CALML4: variants seen among roughly 807,000 people sequenced by gnomAD.
The protein encoded by CALML4 is calmodulin like 4.
In CALML4, 16 loss-of-function variants were observed where a neutral mutation model predicts 17.9. The observed-to-expected ratio is 0.89, with a 90% confidence interval of 0.61 to 1.36. CALML4 has a LOEUF of 1.36. CALML4 is among the 40% of genes most tolerant of loss of function. CALML4 has a pLI of 0.00. For synonymous variants in CALML4, 86 were observed against 71.5 expected, an observed-to-expected ratio of 1.20 and a Z score of -1.02; for missense variants, 203 against 194.8, an observed-to-expected ratio of 1.04 and a Z score of -0.25.
At position 68,197,811 on chromosome 15, in the gene CALML4, C is replaced by G; in HGVS notation, c.176-183G>C. 1 of 589,594 alleles carries G rather than the reference C, an allele frequency of 1.7e-6. No individual in the cohort carries two copies. The highest frequency in any genetic ancestry group is 2.1e-5 in the South Asian group (1 of 47,678). The allele number at this position is 589,594 out of a possible 1,614,324, so 36.5% of individuals were successfully genotyped here. On this transcript the variant is annotated intron_variant, in intron 3 of 4. Transcript: ENST00000467889. This position sits in a 1 kb window ranked among gnomAD's most constrained non-coding sequence, Gnocchi z 4.1. ...CACCGAGTTCCCACGACAGGCCCCTCACTGGACTGGACATTCTTCATTTCA... is the reference window on the plus strand; with the variant it reads ...CACCGAGTTCCCACGACAGGCCCCTGACTGGACTGGACATTCTTCATTTCA...
chr15:68,195,324 A>C (rs1217595735), intron 4 of CALML4, among the ~76,000 whole-genome samples: 2 of 152,226 alleles, frequency 1.3e-5, no homozygotes, highest in African/African-American at 4.8e-5. Context: ...CGAAAGTATA[A>C]TCACCATGCC....
Position 68,193,941 on chromosome 15 carries a change from A to G in CALML4, c.*74T>C, listed in dbSNP as rs2093131529. ...CTGTGTTTGCCATCTCTCCCAAGTG[A>G]AAAGAACACTTTTTAAAAAAAATTA... On this transcript the variant is annotated 3_prime_UTR_variant, in exon 5 of 5. Transcript: ENST00000467889. 1 of 1,089,778 alleles carries G rather than the reference A, an allele frequency of 9.2e-7. No homozygotes were observed. Among genetic ancestry groups the G allele is most frequent in the East Asian group, 2.4e-5 (1 of 40,868 alleles). 67.5% of individuals were successfully genotyped at this position (1,089,778 alleles called of 1,614,324 possible).
chr15:68,203,879 G>A (rs1167459720), intron 2 of CALML4, among the ~76,000 whole-genome samples: 1 of 152,142 alleles, frequency 6.6e-6, no homozygotes, highest in Non-Finnish European at 1.5e-5. Context: ...GTCAGATACT[G>A]GGATACAAAG....
chr15:68,202,406 G>A (rs1037868509), intron 2 of CALML4, among the ~76,000 whole-genome samples: 1 of 152,206 alleles, frequency 6.6e-6, no homozygotes, highest in Non-Finnish European at 1.5e-5. Flanking sequence ...AGGAGTTCGA[G>A]ACCAGCCTGG....
At position 68,205,001 on chromosome 15, in the gene CALML4, G is replaced by A; in HGVS notation, c.34+120C>T. 3 of 1,206,528 alleles carry A rather than the reference G, an allele frequency of 2.5e-6. No homozygotes were observed. Among genetic ancestry groups the A allele is most frequent in the South Asian group, 1.3e-5 (1 of 76,466 alleles). 74.7% of individuals were successfully genotyped at this position (1,206,528 alleles called of 1,614,324 possible). On this transcript the variant is annotated intron_variant, in intron 2 of 4. Transcript: ENST00000467889. This position sits in a 1 kb window ranked among gnomAD's most constrained non-coding sequence, Gnocchi z 4.8. ...CAGCCTCCCCGCAGCTCTTGGCCCT[G>A]GGTGGGCCCAGCTCTCCCACAGCCA...
intron 4 of CALML4, among the ~76,000 whole-genome samples, chr15:68,195,314 C>T (rs566069763): frequency 1.3e-5 from 2 of 152,154 alleles, no homozygotes; most frequent in Non-Finnish European, 2.9e-5. Context: ...CTATCCTTCT[C>T]GAAAGTATAA....
intron 3 of CALML4, chr15:68,198,670 C>T (rs949089382): frequency 6.6e-6 from 1 of 152,118 alleles, no homozygotes; most frequent in Non-Finnish European, 1.5e-5. Context: ...CCCATAATCC[C>T]ATTACCAGAG....
At position 68,199,634 on chromosome 15, in the gene CALML4, T is replaced by G. The variant is rs780279118; in HGVS notation, c.82A>C (p.Ile28Leu). ...SLYDKQQRGK[I>L]KATDLMVAMR... Reference sequence around the variant, plus strand: ...GCCACCATGAGGTCGGTGGCTTTTATCTTCCCCCTCTGCTGCTTGTCATAC... The same window carrying G: ...GCCACCATGAGGTCGGTGGCTTTTAGCTTCCCCCTCTGCTGCTTGTCATAC... The change falls in exon 3 of 5, where the codon ATA becomes CTA. Residue 28 changes from isoleucine to leucine, a missense_variant. Coordinates refer to ENST00000467889, the MANE Select transcript of CALML4 (RefSeq NM_033429.3). 6 of 1,613,610 alleles carry G rather than the reference T, an allele frequency of 3.7e-6. No individual in the cohort carries two copies. Among genetic ancestry groups the G allele is most frequent in the Non-Finnish European group, 5.1e-6 (6 of 1,179,968 alleles).
Position 68,197,800 on chromosome 15 carries a change from G to A in CALML4, c.176-172C>T, listed in dbSNP as rs1050014141. ...GCATCCCCTCCCACCGAGTTCCCAC[G>A]ACAGGCCCCTCACTGGACTGGACAT... On this transcript the variant is annotated intron_variant, in intron 3 of 4. Transcript: ENST00000467889. The surrounding 1 kb of genome is among the most constrained non-coding windows in gnomAD (Gnocchi z 4.1). The A allele has an allele frequency of 3.5e-5, 21 of 600,962 alleles. No individual in the cohort carries two copies. The highest frequency in any genetic ancestry group is 4.7e-5 in the Non-Finnish European group (16 of 339,966). The allele number at this position is 600,962 out of a possible 1,614,324, so 37.2% of individuals were successfully genotyped here. A position where few individuals can be genotyped will look rare whatever the true frequency, so the allele number is the denominator to read the frequency against.
intron 3 of CALML4, 152 bp downstream of exon 3, chr15:68,199,389 T>G (rs2093157344): frequency 1.3e-6 from 1 of 782,458 alleles, no homozygotes; most frequent in East Asian, 2.7e-5. Flanking sequence ...CCAAGTGAGG[T>G]ACGGCACTCC....
intron 4 of CALML4, among the ~76,000 whole-genome samples, chr15:68,196,950 A>G (rs1192108909): frequency 2.1e-5 from 3 of 146,258 alleles, no homozygotes; most frequent in Non-Finnish European, 4.5e-5. Flanking sequence ...CAGCACCTCA[A>G]TTCGGAAACT....
chr15:68,196,413 C>G (rs530181815), intron 4 of CALML4, among the ~76,000 whole-genome samples: 1 of 152,316 alleles, frequency 6.6e-6, no homozygotes, highest in South Asian at 2.1e-4. Context: ...ACCCAGGATT[C>G]AAACCACAGC....
At chr15:68,205,594 T>C (rs1595814793), upstream of CALML4, 4 of 579,918 alleles carry the variant, frequency 6.9e-6, no homozygotes, top group East Asian at 1.2e-4. The surrounding 1 kb of genome is among the most constrained non-coding windows in gnomAD (Gnocchi z 4.8). Context: ...CTCTCTCTCC[T>C]GGGACTCGGC....
upstream of CALML4, chr15:68,205,506 T>C (rs2141132813): frequency 8.6e-7 from 1 of 1,164,078 alleles, no homozygotes; most frequent in Admixed American, 2.4e-5. The surrounding 1 kb of genome is among the most constrained non-coding windows in gnomAD (Gnocchi z 4.8). Flanking sequence ...TCAGAGTCTC[T>C]GCCTCCAGAA....
chr15:68,202,643 C>CCTT (rs1555437418), intron 2 of CALML4, among the ~76,000 whole-genome samples: 5 of 127,794 alleles, frequency 3.9e-5, no homozygotes, highest in Non-Finnish European at 1.6e-5. Context: ...GTTTTGCCAA[C>CCTT]TTTTTTTTTT....
Position 68,197,995 on chromosome 15 carries a change from A to G in CALML4, c.176-367T>C, listed in dbSNP as rs183466678. ...TCCATGTGTGCATTCCACCTTTGAC[A>G]GCCACCACAGTACATCTTACCAGGA... On this transcript the variant is annotated intron_variant, in intron 3 of 4. Coordinates refer to ENST00000467889, the MANE Select transcript of CALML4 (RefSeq NM_033429.3). This position sits in a 1 kb window ranked among gnomAD's most constrained non-coding sequence, Gnocchi z 4.1. The G allele has an allele frequency of 3.0e-3, 618 of 203,590 alleles. 6 individuals carry two copies. Among genetic ancestry groups the G allele is most frequent in the African/African-American group, 0.013 (574 of 43,548 alleles). The allele number at this position is 203,590 out of a possible 1,614,324, so 12.6% of individuals were successfully genotyped here. A position where few individuals can be genotyped will look rare whatever the true frequency, so the allele number is the denominator to read the frequency against.
At chr15:68,203,709 G>T (rs2093172950) in intron 2 of CALML4, among the ~76,000 whole-genome samples, 1 of 152,174 alleles carries the variant, frequency 6.6e-6, no homozygotes, top group South Asian at 2.1e-4. Flanking sequence ...CAGCAGCCTG[G>T]TAAGGTGGCA....
intron 2 of CALML4, among the ~76,000 whole-genome samples, chr15:68,201,390 G>A (rs188041610): frequency 1.1e-3 from 174 of 152,342 alleles, no homozygotes; most frequent in African/African-American, 3.0e-3. Flanking sequence ...ATCACCTCAC[G>A]TCAGGGGGAC....
rs1052641714 is a variant in CALML4 at position 68,193,847 on chromosome 15, A to G, written c.*168T>C. The G allele has an allele frequency of 6.8e-6, 4 of 587,074 alleles. No individual in the cohort carries two copies. The highest frequency in any genetic ancestry group is 5.6e-5 in the African/African-American group (3 of 53,434). The allele number at this position is 587,074 out of a possible 1,614,324, so 36.4% of individuals were successfully genotyped here. A position where few individuals can be genotyped will look rare whatever the true frequency, so the allele number is the denominator to read the frequency against. ...CTTTTATTAAAGATCTACTCATACC[A>G]TGGCTGAAATCATCTATTATTGTTG... On this transcript the variant is annotated 3_prime_UTR_variant, in exon 5 of 5. Coordinates refer to ENST00000467889, the MANE Select transcript of CALML4 (RefSeq NM_033429.3).
Sources: allele counts gnomAD v4.1 joint callset (sites outside exome capture counted in the v4.1 genomes callset), GRCh38; gene constraint gnomAD v4.1.1; non-coding constraint Gnocchi (gnomAD v3.1); transcripts MANE v1.5; gene names NCBI Gene and HGNC (gene_info 2026-07-23, HGNC 2026-07-21).